The following DNAJA4 variants were observed in gnomAD, a reference collection of about 807,000 sequenced individuals.
DNAJA4 encodes the protein dnaJ homolog subfamily A member 4.
DNAJA4 carries 32 observed loss-of-function variants against 39.7 expected under a neutral mutation model. The observed-to-expected ratio is 0.81, with a 90% CI of 0.61 to 1.08. The LOEUF is 1.08. Among genes scored for constraint, DNAJA4 ranks in the 50% least tolerant of loss-of-function variants. The probability of loss-of-function intolerance (pLI) is 0.00; values close to 1 mark genes in which losing one functional copy is unlikely to be tolerated. For missense variants in DNAJA4, 439 were observed against 505.1 expected (o/e 0.87, Z 1.25); for synonymous variants, 184 against 182.4 (o/e 1.01, Z -0.07).
At chr15:78,270,723 A>G (rs369395349) in intron 2 of DNAJA4, 46 bp downstream of exon 2, 12 of 1,583,956 alleles carry the variant, frequency 7.6e-6, no homozygotes, top group African/African-American at 2.7e-5. Context: ...GGTTTCCACA[A>G]TTATACGTGT....
At chr15:78,273,491 T>G (rs2049361050) in intron 3 of DNAJA4, among the ~76,000 whole-genome samples, 2 of 152,282 alleles carry the variant, frequency 1.3e-5, no homozygotes, top group African/African-American at 4.8e-5. Context: ...GTTTGTTACA[T>G]ATGTATACAG....
chr15:78,275,043 C>A (rs981234697), intron 4 of DNAJA4: 2 of 175,670 alleles, frequency 1.1e-5, no homozygotes, highest in Non-Finnish European at 2.4e-5. Context: ...ACAGCCAAAC[C>A]GACACAGGTG....
In DNAJA4 at chr15:78,280,478, TG is replaced by T. The variant is rs773396154; in HGVS notation, c.*20del. On this transcript the variant is annotated 3_prime_UTR_variant, in exon 7 of 7. Coordinates refer to ENST00000394852, the MANE Select transcript of DNAJA4 (RefSeq NM_001130182.2). Reference sequence around the variant, plus strand: ...CGGCATGACGTGGTGCGGGGCAGCGTGGCCCCACCGGACTAGCACATGATGA... The same window carrying T: ...CGGCATGACGTGGTGCGGGGCAGCGTGCCCCACCGGACTAGCACATGATGA... 7 of 1,588,250 alleles carry T rather than the reference TG, an allele frequency of 4.4e-6. No homozygotes were observed. The highest frequency in any genetic ancestry group is 6.0e-6 in the Non-Finnish European group (7 of 1,164,588).
chr15:78,277,927 GT>G, intron 5 of DNAJA4: 1 of 392,194 alleles, frequency 2.5e-6, no homozygotes, highest in Non-Finnish European at 5.0e-6. Context: ...TTTTTGTTTT[GT>G]TTTTGTTTTT....
intron 1 of DNAJA4, among the ~76,000 whole-genome samples, chr15:78,267,189 TGTGA>T (rs1303650270): frequency 1.3e-5 from 2 of 151,118 alleles, no homozygotes; most frequent in African/African-American, 2.4e-5. Context: ...TGAGTGTGTG[TGTGA>T]GTGTGTATGT....
Position 78,264,630 on chromosome 15 carries a change from C to CGGT in DNAJA4, c.-132_-131insTGG. On this transcript the variant is annotated 5_prime_UTR_variant, in exon 1 of 7. Coordinates refer to ENST00000394852, the MANE Select transcript of DNAJA4 (RefSeq NM_001130182.2). ...GGGGGCGGGCGGGAGCTACAAGCGG[C>CGGT]GGCGGCGGCGGCGACCGTGACCGTG... 1 of 1,017,878 alleles carries CGGT rather than the reference C, an allele frequency of 9.8e-7. No homozygotes were observed. Among genetic ancestry groups the CGGT allele is most frequent in the Non-Finnish European group, 1.2e-6 (1 of 851,864 alleles). The allele number at this position is 1,017,878 out of a possible 1,614,324, so 63.1% of individuals were successfully genotyped here. A position where few individuals can be genotyped will look rare whatever the true frequency, so the allele number is the denominator to read the frequency against.
chr15:78,277,223 C>T (rs185980585), intron 5 of DNAJA4, among the ~76,000 whole-genome samples: 4 of 152,216 alleles, frequency 2.6e-5, no homozygotes, highest in Admixed American at 6.5e-5. Context: ...CTTGCTCTGT[C>T]GCCCAGGCTG....
At chr15:78,266,353 T>C (rs921820379) in intron 1 of DNAJA4, 2 of 1,519,258 alleles carry the variant, frequency 1.3e-6, no homozygotes, top group African/African-American at 2.8e-5. Flanking sequence ...CTGAAGCTTT[T>C]ATTTTTAAAA....
chr15:78,278,004 C>T, intron 5 of DNAJA4: 1 of 455,134 alleles, frequency 2.2e-6, no homozygotes, highest in Admixed American at 2.4e-5. Context: ...TTTCTTGTTT[C>T]TCCATTTTCT....
At chr15:78,266,131 C>A in intron 1 of DNAJA4, 2 of 1,137,832 alleles carry the variant, frequency 1.8e-6, no homozygotes, top group Admixed American at 2.2e-5. Flanking sequence ...TTACATGGTG[C>A]TGGTGATTCA....
intron 5 of DNAJA4, chr15:78,278,354 GA>G (rs1218758310): frequency 4.4e-6 from 2 of 450,828 alleles, no homozygotes; most frequent in African/African-American, 4.0e-5. Flanking sequence ...TAACGAAGGG[GA>G]TATGTTCTGA....
At chr15:78,270,412 ATTAC>A in intron 1 of DNAJA4, 81 bp from the exon 2 acceptor site, 1 of 1,426,834 alleles carries the variant, frequency 7.0e-7, no homozygotes, top group Non-Finnish European at 9.6e-7. Flanking sequence ...GAATACCTCT[ATTAC>A]TTTGTATGTT....
chr15:78,265,077 A>C (rs2049084580), intron 1 of DNAJA4, among the ~76,000 whole-genome samples, 182 bp downstream of exon 1: 1 of 152,048 alleles, frequency 6.6e-6, no homozygotes, highest in Non-Finnish European at 1.5e-5. Context: ...CGGTCGGTGG[A>C]GGGCGCTTCG....
rs116747095 is a variant in DNAJA4 at position 78,266,737 on chromosome 15, T to C, written c.132+1842T>C. Among the ~76,000 whole-genome samples the C allele has an allele frequency of 1.8e-3, 280 of 152,380 alleles. 1 individual carries two copies. The highest frequency in any genetic ancestry group is 6.2e-3 in the African/African-American group (258 of 41,590). ...ACTGTATTCCTTTAATGGTGATTAC[T>C]TGTTTGATAACTGTATTACCTGCCA... On this transcript the variant is annotated intron_variant, in intron 1 of 6. Transcript: ENST00000394852.
chr15:78,280,072 G>A lies in DNAJA4; in HGVS notation c.905G>A (p.Arg302Lys). The A allele has an allele frequency of 6.2e-7, 1 of 1,614,248 alleles. No homozygotes were observed. Among genetic ancestry groups the A allele is most frequent in the Non-Finnish European group, 8.5e-7 (1 of 1,180,038 alleles). Residue 302 changes from arginine to lysine, a missense_variant, in exon 6 of 7, where the codon AGA (arginine) becomes AAA (lysine). Physicochemically the swap from Arg to Lys is conservative, Grantham distance 26. Transcript: ENST00000394852. ...AGEVIKHGDLRCVRDEGMPIY... is the reference protein window; with the variant it reads ...AGEVIKHGDLKCVRDEGMPIY... ...GAGGTGATAAAGCACGGGGACCTGA[G>A]ATGCGTGCGCGATGAAGGAATGCCC...
rs1211384709 is a variant in DNAJA4 at position 78,279,863 on chromosome 15, C to G, written c.878-182C>G. On this transcript the variant is annotated intron_variant, in intron 5 of 6. Transcript: ENST00000394852. This position sits in a 1 kb window ranked among gnomAD's most constrained non-coding sequence, Gnocchi z 4.5. ...CAGGCCAGAGTCTCAGCCTGAGCCC[C>G]TTCCCCAGGCAGTACCTGACAAGGA... 19 of 616,978 alleles carry G rather than the reference C, an allele frequency of 3.1e-5. No individual in the cohort carries two copies. In the Admixed American group the frequency reaches 5.0e-4, roughly 16 times the overall value. The allele number at this position is 616,978 out of a possible 1,614,324, so 38.2% of individuals were successfully genotyped here. A position where few individuals can be genotyped will look rare whatever the true frequency, so the allele number is the denominator to read the frequency against.
rs1362649769 is a variant in DNAJA4, at chr15:78,274,350, A to G, written c.572A>G (p.Lys191Arg). ...CKGQGERINP[K>R]DRCESCSGAK... ...GGCCAGGGTGAGCGCATCAACCCCAAGGACCGCTGCGAGAGCTGCAGCGGG... is the reference window on the plus strand; with the variant it reads ...GGCCAGGGTGAGCGCATCAACCCCAGGGACCGCTGCGAGAGCTGCAGCGGG... Residue 191 changes from lysine to arginine, a missense_variant, in exon 4 of 7, where the codon AAG becomes AGG. By Grantham distance (26) the Lys-to-Arg change is conservative. Coordinates refer to ENST00000394852, the MANE Select transcript of DNAJA4 (RefSeq NM_001130182.2). 1.9e-6 allele frequency: 3 copies of G among 1,614,214 alleles called. No homozygotes were observed. Among genetic ancestry groups the G allele is most frequent in the Non-Finnish European group, 2.5e-6 (3 of 1,180,038 alleles).
intron 1 of DNAJA4, chr15:78,265,850 C>A (rs1400497498): frequency 3.3e-6 from 2 of 607,482 alleles, no homozygotes; most frequent in Non-Finnish European, 5.8e-6. Context: ...TGAAACCACA[C>A]CAATCACCCA....
At chr15:78,264,223 C>G, upstream of DNAJA4, 1 of 949,052 alleles carries the variant, frequency 1.1e-6, no homozygotes, top group Non-Finnish European at 1.4e-6. Context: ...GCTCCACGGA[C>G]CCACGGAAGG....
Sources: allele counts gnomAD v4.1 joint callset (sites outside exome capture counted in the v4.1 genomes callset), GRCh38; gene constraint gnomAD v4.1.1; non-coding constraint Gnocchi (gnomAD v3.1); transcripts MANE v1.5; gene names NCBI Gene and HGNC (gene_info 2026-07-23, HGNC 2026-07-21).